ITCH: variants seen among roughly 807,000 people sequenced by gnomAD.
The protein encoded by ITCH is itchy E3 ubiquitin protein ligase.
Under a neutral mutation model 126.8 loss-of-function variants are expected in ITCH, and 28 were observed. The observed-to-expected ratio is 0.22, with a 90% CI of 0.16 to 0.30. The LOEUF (loss-of-function observed/expected upper bound fraction) is 0.30. Ranked by LOEUF, ITCH falls within the 10% of genes least tolerant of loss-of-function variation. The pLI is 1.00. For missense variants in ITCH, 631 were observed against 1,032.4 expected (o/e 0.61, Z 5.33); for synonymous variants, 342 against 340.0 (o/e 1.01, Z -0.06).
intron 22 of ITCH, among the ~76,000 whole-genome samples, chr20:34,490,221 G>GT (rs903086474): frequency 1.3e-5 from 2 of 152,148 alleles, no homozygotes; most frequent in African/African-American, 4.8e-5. Flanking sequence ...TCTGTAGTAT[G>GT]TTTTTTATCA....
intron 16 of ITCH, chr20:34,476,398 T>G: frequency 8.0e-7 from 1 of 1,248,024 alleles, no homozygotes; most frequent in Non-Finnish European, 1.0e-6. Context: ...CCCGGCGTGG[T>G]GCAGCCACCG....
intron 13 of ITCH, among the ~76,000 whole-genome samples, 186 bp downstream of exon 13, chr20:34,457,660 G>T (rs1350048250): frequency 6.6e-6 from 1 of 152,152 alleles, no homozygotes; most frequent in Non-Finnish European, 1.5e-5. Context: ...TCTTCAAAGT[G>T]CAGGAAAAAA....
intron 21 of ITCH, 30 bp downstream of exon 21, chr20:34,489,416 C>A: frequency 6.3e-7 from 1 of 1,598,566 alleles, no homozygotes; most frequent in Non-Finnish European, 8.6e-7. Context: ...TCCCCTGTAC[C>A]ATGCTAGTAA....
At chr20:34,441,877 C>G in intron 9 of ITCH, 1 of 325,334 alleles carries the variant, frequency 3.1e-6, no homozygotes, top group East Asian at 7.4e-5. Flanking sequence ...AGAGCCACTG[C>G]GCCTGGCCAT....
chr20:34,364,480 G>T, intron 1 of ITCH, among the ~76,000 whole-genome samples: 1 of 151,992 alleles, frequency 6.6e-6, no homozygotes, highest in African/African-American at 2.4e-5. Flanking sequence ...CTCAAAATCG[G>T]CTAAGGAATG....
At chr20:34,504,542 A>AT in intron 24 of ITCH, 139 bp downstream of exon 24, 1 of 689,110 alleles carries the variant, frequency 1.5e-6, no homozygotes. Flanking sequence ...GTTTAAGAGC[A>AT]TTTTGTTCAC....
At chr20:34,457,619 T>C (rs553180314) in intron 13 of ITCH, 145 bp downstream of exon 13, 95 of 668,170 alleles carry the variant, frequency 1.4e-4, no homozygotes, top group Non-Finnish European at 2.2e-4. Context: ...AATTATACTA[T>C]TATTTTCATC....
rs545123787 is a variant in ITCH at position 34,378,518 on chromosome 20, T to G, written c.-22+9048T>G. On this transcript the variant is annotated intron_variant, in intron 2 of 24. Transcript: ENST00000374864. ...AAGATGTAAAAAAAAAAAAAGAATA[T>G]CTGAGATATAGCAAAGTTTTTCTCA... Among the ~76,000 whole-genome samples, 27 of 136,628 alleles carry G rather than the reference T, an allele frequency of 2.0e-4. 3 individuals carry two copies. In the South Asian group the frequency reaches 6.4e-3, roughly 33 times the overall value. The allele number at this position is 136,628 out of a possible 152,430, so 89.6% of individuals were successfully genotyped here. A position where few individuals can be genotyped will look rare whatever the true frequency, so the allele number is the denominator to read the frequency against.
At chr20:34,369,567 C>G (rs1174981598) in intron 2 of ITCH, 97 bp downstream of exon 2, 1 of 392,920 alleles carries the variant, frequency 2.5e-6, no homozygotes, top group Non-Finnish European at 4.5e-6. Context: ...AGTGTTGATG[C>G]TAGCTGCATC....
rs193180488 is a variant in ITCH, at chr20:34,487,430, A to T, written c.2094-1836A>T. On this transcript the variant is annotated intron_variant, in intron 20 of 24. Coordinates refer to ENST00000374864, the MANE Select transcript of ITCH (RefSeq NM_031483.7). ...TCTAACCATTGCTATTTGTTTTGCT[A>T]TTTGTCTCGCCTTGCTATTTGTTTC... Among the ~76,000 whole-genome samples, 5 of 152,080 alleles carry T rather than the reference A, an allele frequency of 3.3e-5. No homozygotes were observed. The Middle Eastern group carries it at 0.014, about 414-fold the overall frequency.
Position 34,444,595 on chromosome 20 carries a change from A to G in ITCH, c.966-692A>G, listed in dbSNP as rs1022703310. On this transcript the variant is annotated intron_variant, in intron 10 of 24. Coordinates refer to ENST00000374864, the MANE Select transcript of ITCH (RefSeq NM_031483.7). Reference sequence around the variant, plus strand: ...AGAGGGAAACTCTGTCTCCAAAAAAAAAAGATAGGAAGTTAGTTGTGTTCT... The same window carrying G: ...AGAGGGAAACTCTGTCTCCAAAAAAGAAAGATAGGAAGTTAGTTGTGTTCT... Among the ~76,000 whole-genome samples, 8 of 152,146 alleles carry G rather than the reference A, an allele frequency of 5.3e-5. No homozygotes were observed. In the East Asian group the frequency reaches 1.5e-3, roughly 29 times the overall value.
intron 23 of ITCH, among the ~76,000 whole-genome samples, chr20:34,503,576 CAA>C (rs1216082945): frequency 6.6e-6 from 1 of 152,080 alleles, no homozygotes; most frequent in Non-Finnish European, 1.5e-5. Flanking sequence ...GTATTTAAAT[CAA>C]GTTTTATTGT....
chr20:34,500,489 T>A (rs780218154), intron 23 of ITCH, among the ~76,000 whole-genome samples: 2 of 152,200 alleles, frequency 1.3e-5, no homozygotes, highest in Non-Finnish European at 2.9e-5. Flanking sequence ...CTACTCCTGC[T>A]CACTTTGGAT....
At chr20:34,400,538 TA>T (rs2038838313) in intron 3 of ITCH, among the ~76,000 whole-genome samples, 2 of 151,416 alleles carry the variant, frequency 1.3e-5, no homozygotes, top group Non-Finnish European at 2.9e-5. Flanking sequence ...AGGTGTGCCT[TA>T]AAAAAAATTT....
chr20:34,503,182 A>T (rs1436156332), intron 23 of ITCH, among the ~76,000 whole-genome samples: 1 of 152,226 alleles, frequency 6.6e-6, no homozygotes, highest in Admixed American at 6.5e-5. Flanking sequence ...ATACAAAAGC[A>T]CTAACAATTT....
intron 2 of ITCH, among the ~76,000 whole-genome samples, chr20:34,390,463 TTTTTTG>T (rs1365137539): frequency 1.0e-4 from 15 of 145,990 alleles, no homozygotes; most frequent in African/African-American, 3.9e-4. Flanking sequence ...TTTTTTTTTT[TTTTTTG>T]AGATGAAGTC....
rs977984312 is a variant in ITCH, at chr20:34,385,719, T to C, written c.-21-8072T>C. Reference sequence around the variant, plus strand: ...AACCTCGAAAGTTGTAGCTTCCTCTTTTTCTCTTTGAACAGTATAATTGTC... The same window carrying C: ...AACCTCGAAAGTTGTAGCTTCCTCTCTTTCTCTTTGAACAGTATAATTGTC... On this transcript the variant is annotated intron_variant, in intron 2 of 24. Transcript: ENST00000374864. 2.6e-5 allele frequency among the ~76,000 whole-genome samples: 4 copies of C among 152,186 alleles called. No individual in the cohort carries two copies. The East Asian group carries it at 7.7e-4, about 29-fold the overall frequency.
rs1383808520 is a variant in ITCH, at chr20:34,511,226, G to A, written c.*3432G>A. The A allele has an allele frequency of 8.5e-5, 13 of 152,058 alleles. No homozygotes were observed. The highest frequency in any genetic ancestry group is 8.5e-4 in the Admixed American group (13 of 15,254). The allele number at this position is 152,058 out of a possible 1,614,324, so 9.4% of individuals were successfully genotyped here. Reference sequence around the variant, plus strand: ...TGGCAGCACTGGATTGTATATTACTGTATTAAGAGTACCTTTGTTTTCTTG... The same window carrying A: ...TGGCAGCACTGGATTGTATATTACTATATTAAGAGTACCTTTGTTTTCTTG... On this transcript the variant is annotated 3_prime_UTR_variant, in exon 25 of 25. Transcript: ENST00000374864.
chr20:34,383,747 C>T (rs570626325), intron 2 of ITCH, among the ~76,000 whole-genome samples: 6 of 150,524 alleles, frequency 4.0e-5, no homozygotes, highest in South Asian at 2.1e-4. Flanking sequence ...AGGTTGGTCT[C>T]GGAACTCCTA....
Sources: allele counts gnomAD v4.1 joint callset (sites outside exome capture counted in the v4.1 genomes callset), GRCh38; gene constraint gnomAD v4.1.1; transcripts MANE v1.5; gene names NCBI Gene and HGNC (gene_info 2026-07-23, HGNC 2026-07-21).